The following GSE1 variants were observed in gnomAD, a reference collection of about 807,000 sequenced individuals.
GSE1 encodes Gse1 coiled-coil protein.
GSE1 carries 32 observed loss-of-function variants against 112.6 expected under a neutral mutation model. The ratio of observed to expected loss-of-function variants is 0.28; its 90% confidence interval spans 0.21 to 0.38. GSE1 has a LOEUF of 0.38. Among genes scored for constraint, GSE1 ranks in the 10% least tolerant of loss-of-function variants. GSE1 has a pLI of 1.00. For missense variants in GSE1, 2,348 were observed against 1,699.2 expected (o/e 1.38, Z -6.71); for synonymous variants, 1,115 against 735.6 (o/e 1.52, Z -8.35).
chr16:85,329,238 T>TTCA (rs2046289080), intron 1 of GSE1, among the ~76,000 whole-genome samples: 1 of 152,142 alleles, frequency 6.6e-6, no homozygotes, highest in African/African-American at 2.4e-5. Context: ...CCTCAGTTTG[T>TTCA]TCATCTGTAA....
At chr16:85,528,996 A>C (rs909642365) in intron 2 of GSE1, among the ~76,000 whole-genome samples, 11 of 152,160 alleles carry the variant, frequency 7.2e-5, no homozygotes, top group Admixed American at 7.2e-4. Context: ...AATGGGAGCC[A>C]TGGAGGGTTC....
intron 1 of GSE1, among the ~76,000 whole-genome samples, chr16:85,222,055 A>C (rs1008982469): frequency 5.3e-5 from 8 of 152,236 alleles, no homozygotes; most frequent in African/African-American, 1.9e-4. Flanking sequence ...TGGGGTACGC[A>C]GGCCCAGGGC....
chr16:85,581,953 T>C (rs962670154), intron 1 of GSE1: 2 of 152,118 alleles, frequency 1.3e-5, no homozygotes, highest in Non-Finnish European at 2.9e-5. Context: ...GAGTCTACAT[T>C]TTTCAAAGCT....
intron 2 of GSE1, among the ~76,000 whole-genome samples, chr16:85,519,725 CCATCACCATCACCACCATCAG>C (rs146107348): frequency 0.29 from 42,516 of 145,816 alleles, 6,199 homozygotes; most frequent in East Asian, 0.49. Flanking sequence ...ATCATCATCA[CCATCACCATCACCACCATCAG>C]CATCACCATC....
chr16:85,664,363 AG>A (rs2052666624), intron 11 of GSE1, among the ~76,000 whole-genome samples: 1 of 148,212 alleles, frequency 6.7e-6, no homozygotes, highest in East Asian at 2.0e-4. Context: ...GGTGTTGATC[AG>A]GGTGTAGCCG....
chr16:85,331,284 C>T (rs537229594), intron 1 of GSE1, among the ~76,000 whole-genome samples: 31 of 148,362 alleles, frequency 2.1e-4, no homozygotes, highest in African/African-American at 7.4e-4. Flanking sequence ...TCCCAAGTAG[C>T]TGGGATTATA....
chr16:85,262,015 G>A (rs1907746053), intron 1 of GSE1, among the ~76,000 whole-genome samples: 1 of 152,132 alleles, frequency 6.6e-6, no homozygotes, highest in South Asian at 2.1e-4. Flanking sequence ...GGCCGAGCAG[G>A]TGAGGTGACT....
chr16:85,496,955 G>A (rs7204770), intron 2 of GSE1, among the ~76,000 whole-genome samples: 50,126 of 151,058 alleles, frequency 0.33, 11,536 homozygotes, highest in African/African-American at 0.64. Flanking sequence ...CTGGAGTGCA[G>A]TGGCTCTATC....
chr16:85,551,541 T>C (rs1034214898), upstream of GSE1, among the ~76,000 whole-genome samples: 1 of 152,248 alleles, frequency 6.6e-6, no homozygotes, highest in East Asian at 1.9e-4. Flanking sequence ...GGCCGTTCAA[T>C]GGAAGGCCGC....
chr16:85,529,648 G>A (rs555724349), intron 2 of GSE1, among the ~76,000 whole-genome samples: 5 of 152,298 alleles, frequency 3.3e-5, no homozygotes, highest in African/African-American at 9.6e-5. Flanking sequence ...CTCCCAGCAC[G>A]TGAGTTTCTA....
At chr16:85,611,842 C>G (rs563422904), upstream of GSE1, among the ~76,000 whole-genome samples, 460 of 148,276 alleles carry the variant, frequency 3.1e-3, 4 homozygotes, top group African/African-American at 0.011. Context: ...GCTCCCGTCG[C>G]AATCCGGGCT....
chr16:85,340,103 C>A lies in GSE1; in HGVS notation c.2284-17360C>A, dbSNP rs184427851. On this transcript the variant is annotated intron_variant, in intron 1 of 2. Transcript: ENST00000637419. ...GTATCCAGAATGGAAACAGATGGTA[C>A]AAATCGTTTAAGAATCATCATGCAA... Among the ~76,000 whole-genome samples the A allele has an allele frequency of 7.3e-3, 1,099 of 150,146 alleles. 8 individuals are homozygous for A. Among genetic ancestry groups the A allele is most frequent in the Non-Finnish European group, 0.013 (865 of 67,328 alleles).
At chr16:85,489,349 C>T (rs80180725) in intron 2 of GSE1, among the ~76,000 whole-genome samples, 5,012 of 152,034 alleles carry the variant, frequency 0.033, 251 homozygotes, top group African/African-American at 0.12. Context: ...GCTAGTGGCC[C>T]CTGCCTGTCA....
At chr16:85,553,932 C>T (rs1456135458), upstream of GSE1, among the ~76,000 whole-genome samples, 2 of 152,154 alleles carry the variant, frequency 1.3e-5, no homozygotes, top group Admixed American at 1.3e-4. Flanking sequence ...GGTTGGAGAG[C>T]GTTGGCAGGA....
intron 2 of GSE1, among the ~76,000 whole-genome samples, chr16:85,404,593 GC>G (rs1311684243): frequency 1.6e-5 from 1 of 62,900 alleles, no homozygotes; most frequent in Admixed American, 1.8e-4. Flanking sequence ...TTACACTCAG[GC>G]CCCCCGGATA....
chr16:85,482,811 C>A (rs1191690656), intron 2 of GSE1, among the ~76,000 whole-genome samples: 1 of 152,086 alleles, frequency 6.6e-6, no homozygotes, highest in Non-Finnish European at 1.5e-5. Flanking sequence ...AACCCTGTCC[C>A]TACTAAAAAT....
At chr16:85,222,904 T>G (rs1455040250) in intron 1 of GSE1, among the ~76,000 whole-genome samples, 2 of 152,196 alleles carry the variant, frequency 1.3e-5, no homozygotes, top group Admixed American at 1.3e-4. Context: ...ATTTTAGTTT[T>G]GCATGCAAAA....
chr16:85,631,423 G>A (rs895156977), intron 1 of GSE1, among the ~76,000 whole-genome samples: 12 of 152,332 alleles, frequency 7.9e-5, no homozygotes, highest in African/African-American at 2.9e-4. Flanking sequence ...GAAGGTGTGT[G>A]GGCTCGTGGG....
intron 1 of GSE1, among the ~76,000 whole-genome samples, chr16:85,210,325 G>T (rs2075202979): frequency 6.6e-6 from 1 of 152,198 alleles, no homozygotes; most frequent in Non-Finnish European, 1.5e-5. Context: ...TCCACAGTAA[G>T]GTGTGATTGA....
Sources: gnomAD v4.1 joint callset for allele counts (sites outside exome capture counted in the v4.1 genomes callset) on GRCh38, gnomAD v4.1.1 for gene constraint, MANE v1.5 for transcripts, NCBI Gene and HGNC (gene_info 2026-07-23, HGNC 2026-07-21) for gene names.